The following TSPAN13 variants were observed in gnomAD, a reference collection of about 807,000 sequenced individuals.
The protein encoded by TSPAN13 is tetraspanin 13, also known as tetraspanin-13.
TSPAN13 carries 18 observed loss-of-function variants against 26.9 expected under a neutral mutation model. That is an observed-to-expected ratio of 0.67 (90% CI 0.46 to 0.99). The LOEUF is 0.99. TSPAN13 is among the 50% of genes least tolerant of loss of function. TSPAN13 has a pLI of 0.00. For missense variants in TSPAN13, 201 were observed against 249.6 expected (o/e 0.81, Z 1.31); for synonymous variants, 116 against 98.4 (o/e 1.18, Z -1.06).
At chr7:16,777,261 T>G in intron 3 of TSPAN13, 139 bp downstream of exon 3, 1 of 625,606 alleles carries the variant, frequency 1.6e-6, no homozygotes, top group Non-Finnish European at 2.8e-6. Flanking sequence ...AACTCTCTTG[T>G]TCCCTTTGCA....
In TSPAN13 at chr7:16,777,931, T is replaced by C. The variant is rs372394072; in HGVS notation, c.426+20T>C. The C allele has an allele frequency of 4.2e-5, 65 of 1,559,564 alleles. No individual in the cohort carries two copies. The highest frequency in any genetic ancestry group is 8.8e-5 in the Admixed American group (5 of 56,750). ...CTGGCTGTAAGTACATTGTATAATA[T>C]ATGTTTTTGGAAATGTATTACAGAT... On this transcript the variant is annotated intron_variant, in intron 4 of 5. Coordinates refer to ENST00000262067, the MANE Select transcript of TSPAN13 (RefSeq NM_014399.4).
In TSPAN13 at chr7:16,753,832, A is replaced by AGGCCCC. The variant is rs1784449574; in HGVS notation, c.-129_-124dup. ...CGCGCGCGCCGCGCACTGCAGCCCCAGGCCCCGGCCCCCCACCCACGTCTG... is the reference window on the plus strand; with the variant it reads ...CGCGCGCGCCGCGCACTGCAGCCCCAGGCCCCGGCCCCGGCCCCCCACCCACGTCTG... On this transcript the variant is annotated 5_prime_UTR_variant, in exon 1 of 6. Coordinates refer to ENST00000262067, the MANE Select transcript of TSPAN13 (RefSeq NM_014399.4). The AGGCCCC allele has an allele frequency of 1.1e-6, 1 of 926,372 alleles. No individual in the cohort carries two copies. 57.4% of individuals were successfully genotyped at this position (926,372 alleles called of 1,614,324 possible).
At position 16,753,941 on chromosome 7, in the gene TSPAN13, C is replaced by A. The variant is rs1469893027; in HGVS notation, c.-27C>A. ...CCTCCGCCGGAGTCGAATTTACGTG[C>A]AGCTGCCGGCAACCACAGGTTCCAA... On this transcript the variant is annotated 5_prime_UTR_variant, in exon 1 of 6. Transcript: ENST00000262067. 6.2e-7 allele frequency: 1 copy of A among 1,608,698 alleles called. No individual in the cohort carries two copies. The highest frequency in any genetic ancestry group is 8.5e-7 in the Non-Finnish European group (1 of 1,177,462).
At chr7:16,776,112 G>C (rs1028194188) in intron 1 of TSPAN13, 99 bp from the exon 2 acceptor site, 1 of 1,155,172 alleles carries the variant, frequency 8.7e-7, no homozygotes, top group Non-Finnish European at 1.2e-6. Context: ...GACTACGTAG[G>C]TGCCTGAAGG....
At chr7:16,763,977 C>G (rs1217160095) in intron 1 of TSPAN13, among the ~76,000 whole-genome samples, 1 of 152,152 alleles carries the variant, frequency 6.6e-6, no homozygotes, top group African/African-American at 2.4e-5. Context: ...CCCGCTTATG[C>G]TAGATTATAA....
At chr7:16,779,566 G>A (rs1027829175) in intron 5 of TSPAN13, among the ~76,000 whole-genome samples, 17 of 151,562 alleles carry the variant, frequency 1.1e-4, no homozygotes, top group East Asian at 3.9e-4. Flanking sequence ...TCATTCCCCT[G>A]TTCCTAGCCT....
chr7:16,780,560 CTCT>C (rs1356183391), intron 5 of TSPAN13, among the ~76,000 whole-genome samples: 1 of 152,172 alleles, frequency 6.6e-6, no homozygotes, highest in African/African-American at 2.4e-5. Context: ...GTGCATTTCT[CTCT>C]TCTTTTGTTT....
chr7:16,766,124 T>C (rs1261517410), intron 1 of TSPAN13, among the ~76,000 whole-genome samples: 1 of 152,248 alleles, frequency 6.6e-6, no homozygotes, highest in Admixed American at 6.5e-5. Context: ...TTAGGTGTTA[T>C]AATTTTAAAA....
chr7:16,762,664 G>A (rs1283312155), intron 1 of TSPAN13, among the ~76,000 whole-genome samples: 5 of 152,084 alleles, frequency 3.3e-5, no homozygotes, highest in African/African-American at 1.2e-4. Flanking sequence ...TTATTTTCAC[G>A]GAAAAAGAAG....
chr7:16,776,626 GTAAATTCAGAGT>G (rs890850046), intron 2 of TSPAN13, among the ~76,000 whole-genome samples: 1 of 152,038 alleles, frequency 6.6e-6, no homozygotes, highest in Non-Finnish European at 1.5e-5. Flanking sequence ...TTTATGTATT[GTAAATTCAGAGT>G]TAAATTGAAT....
At chr7:16,764,878 C>T (rs915197686) in intron 1 of TSPAN13, among the ~76,000 whole-genome samples, 1 of 152,096 alleles carries the variant, frequency 6.6e-6, no homozygotes, top group South Asian at 2.1e-4. Context: ...GGATCCCTGG[C>T]CAGGTAGTTT....
chr7:16,775,233 A>C (rs1784728609), intron 1 of TSPAN13, among the ~76,000 whole-genome samples: 2 of 152,114 alleles, frequency 1.3e-5, no homozygotes, highest in South Asian at 4.1e-4. Flanking sequence ...TGTAAGCTTC[A>C]TCTTCTATAA....
intron 5 of TSPAN13, among the ~76,000 whole-genome samples, chr7:16,781,910 C>T (rs1335277598): frequency 2.0e-5 from 3 of 152,182 alleles, no homozygotes; most frequent in Non-Finnish European, 4.4e-5. Flanking sequence ...CTGAGAACAG[C>T]CAGTGACATG....
intron 1 of TSPAN13, among the ~76,000 whole-genome samples, chr7:16,767,325 A>G (rs1583789768): frequency 6.6e-6 from 1 of 152,324 alleles, no homozygotes; most frequent in East Asian, 1.9e-4. Context: ...TATAAATGGT[A>G]TGTTTTATCT....
intron 1 of TSPAN13, among the ~76,000 whole-genome samples, chr7:16,763,233 A>G (rs1163243112): frequency 6.6e-6 from 1 of 152,234 alleles, no homozygotes; most frequent in African/African-American, 2.4e-5. Flanking sequence ...TCATGTTTTT[A>G]AAAGTTTATT....
intron 1 of TSPAN13, among the ~76,000 whole-genome samples, chr7:16,754,957 G>C (rs78913846): frequency 0.095 from 14,462 of 152,196 alleles, 889 homozygotes; most frequent in African/African-American, 0.17. Context: ...TAAGGTAACA[G>C]ACCAAAAAGG....
At chr7:16,768,203 C>G (rs551728294) in intron 1 of TSPAN13, among the ~76,000 whole-genome samples, 1 of 152,192 alleles carries the variant, frequency 6.6e-6, no homozygotes, top group African/African-American at 2.4e-5. Context: ...CGTGAGCCAC[C>G]GCACCTGGCC....
chr7:16,757,440 G>A (rs1784491581), intron 1 of TSPAN13, among the ~76,000 whole-genome samples: 1 of 152,100 alleles, frequency 6.6e-6, no homozygotes, highest in South Asian at 2.1e-4. Context: ...GTAATATTTT[G>A]AAGCTTTATA....
chr7:16,754,167 C>A, intron 1 of TSPAN13, 137 bp downstream of exon 1: 1 of 894,498 alleles, frequency 1.1e-6, no homozygotes. Flanking sequence ...TGCGCGCCCC[C>A]GGCCTCACCA....
Sources: gnomAD v4.1 joint callset for allele counts (sites outside exome capture counted in the v4.1 genomes callset) on GRCh38, gnomAD v4.1.1 for gene constraint, MANE v1.5 for transcripts, NCBI Gene and HGNC (gene_info 2026-07-23, HGNC 2026-07-21) for gene names.